Variants in TRAPPC10 observed in about 807,000 individuals in gnomAD.
The protein encoded by TRAPPC10 is TRAPP 130 kDa subunit.
Under a neutral mutation model 125.5 loss-of-function variants are expected in TRAPPC10, and 23 were observed. The observed-to-expected ratio is 0.18, with a 90% CI of 0.13 to 0.26. The LOEUF (loss-of-function observed/expected upper bound fraction) is 0.26, where lower values mean the gene tolerates loss of function less well. TRAPPC10 is among the 10% of genes least tolerant of loss of function. The pLI is 1.00. For missense variants in TRAPPC10, 1,123 were observed against 1,308.4 expected (o/e 0.86, Z 2.19); for synonymous variants, 509 against 518.0 (o/e 0.98, Z 0.24).
chr21:44,028,558 TC>T (rs1406123979), intron 1 of TRAPPC10, among the ~76,000 whole-genome samples: 1 of 152,144 alleles, frequency 6.6e-6, no homozygotes, highest in African/African-American at 2.4e-5. Context: ...CCCTCTTATC[TC>T]CCTGTCTCCC....
At position 44,012,392 on chromosome 21, in the gene TRAPPC10, C is replaced by T. The variant is rs1230084828; in HGVS notation, c.-102C>T. On this transcript the variant is annotated 5_prime_UTR_variant, in exon 1 of 23. Coordinates refer to ENST00000291574, the MANE Select transcript of TRAPPC10 (RefSeq NM_003274.5). ...CGGCTCCGGAGCTGCCTGGCGCGGC[C>T]GGGCGGGCGGCGCCGCTCAGGCTCG... 2.7e-5 allele frequency: 18 copies of T among 660,968 alleles called. No homozygotes were observed. The highest frequency in any genetic ancestry group is 3.0e-5 in the Non-Finnish European group (16 of 532,094). The allele number at this position is 660,968 out of a possible 1,614,324, so 40.9% of individuals were successfully genotyped here.
At chr21:44,016,744 C>T (rs1465721771) in intron 1 of TRAPPC10, among the ~76,000 whole-genome samples, 3 of 152,096 alleles carry the variant, frequency 2.0e-5, no homozygotes, top group Admixed American at 6.5e-5. Context: ...CTGCAAGCTC[C>T]GCCTCCCGGG....
rs2038457042 is a variant in TRAPPC10 at position 44,089,912 on chromosome 21, G to A, written c.2849G>A (p.Ser950Asn). 1 of 1,613,804 alleles carries A rather than the reference G, an allele frequency of 6.2e-7. No individual in the cohort carries two copies. The highest frequency in any genetic ancestry group is 8.5e-7 in the Non-Finnish European group (1 of 1,179,812). Residue 950 changes from serine to asparagine, a missense_variant, in exon 18 of 23, where the codon AGC becomes AAC. Transcript: ENST00000291574. ...TFSVPFRTTH[S>N]LLSSGTRKYV... ...AGCGTACCCTTCAGGACCACACACA[G>A]CCTCCTGTCCTCAGGAACACGGTAA...
intron 3 of TRAPPC10, among the ~76,000 whole-genome samples, chr21:44,042,014 C>T (rs1222117340): frequency 6.6e-6 from 1 of 152,142 alleles, no homozygotes; most frequent in East Asian, 1.9e-4. Context: ...GCCCAGCCCC[C>T]ATCATTATTT....
At chr21:44,084,854 CAG>C (rs1970407213) in intron 15 of TRAPPC10, among the ~76,000 whole-genome samples, 1 of 152,308 alleles carries the variant, frequency 6.6e-6, no homozygotes, top group African/African-American at 2.4e-5. Flanking sequence ...TCACAGAACT[CAG>C]GGAAACAGGT....
At chr21:44,032,628 C>T (rs2033680016) in intron 2 of TRAPPC10, among the ~76,000 whole-genome samples, 1 of 152,152 alleles carries the variant, frequency 6.6e-6, no homozygotes, top group African/African-American at 2.4e-5. Context: ...CTGACCCGCC[C>T]TCCTCGGCCT....
In TRAPPC10 at chr21:44,087,636, T is replaced by G. The variant is rs1274479760; in HGVS notation, c.2540-63T>G. The G allele has an allele frequency of 6.8e-7, 1 of 1,481,248 alleles. No individual in the cohort carries two copies. The highest frequency in any genetic ancestry group is 9.3e-7 in the Non-Finnish European group (1 of 1,071,880). 91.8% of individuals were successfully genotyped at this position (1,481,248 alleles called of 1,614,324 possible). A position where few individuals can be genotyped will look rare whatever the true frequency, so the allele number is the denominator to read the frequency against. ...CTCACTGCTGGGCCATCACCTGCTG[T>G]AAGGAAAAGGACAAGTGAAACCGAG... On this transcript the variant is annotated intron_variant, in intron 16 of 22. Transcript: ENST00000291574. The surrounding 1 kb of genome is among the most constrained non-coding windows in gnomAD (Gnocchi z 4.6).
At chr21:44,088,145 C>A in intron 17 of TRAPPC10, 2 of 576,116 alleles carry the variant, frequency 3.5e-6, no homozygotes, top group Non-Finnish European at 6.2e-6. Context: ...CTCTACCTTT[C>A]CCTCTCAGTT....
intron 4 of TRAPPC10, among the ~76,000 whole-genome samples, chr21:44,054,686 C>T (rs1333838029): frequency 6.6e-6 from 1 of 152,190 alleles, no homozygotes; most frequent in Non-Finnish European, 1.5e-5. Context: ...ATGGGTTCAG[C>T]CTCTTTGTAA....
chr21:44,023,731 A>T (rs1389335241), intron 1 of TRAPPC10, among the ~76,000 whole-genome samples: 1 of 152,254 alleles, frequency 6.6e-6, no homozygotes. Context: ...CCTTTTCAAT[A>T]GGCAGAGCTA....
chr21:44,075,888 A>G (rs2037241400), intron 9 of TRAPPC10, among the ~76,000 whole-genome samples: 1 of 152,210 alleles, frequency 6.6e-6, no homozygotes, highest in African/African-American at 2.4e-5. Flanking sequence ...CATCTCTACT[A>G]AAAATACAAA....
chr21:44,052,978 T>C (rs1676932974), intron 4 of TRAPPC10, among the ~76,000 whole-genome samples: 1 of 152,118 alleles, frequency 6.6e-6, no homozygotes, highest in African/African-American at 2.4e-5. Flanking sequence ...CTCTCTCTCC[T>C]GGGGTAGCTC....
chr21:44,078,311 G>A (rs748433598), intron 11 of TRAPPC10, among the ~76,000 whole-genome samples: 16 of 151,980 alleles, frequency 1.1e-4, no homozygotes, highest in African/African-American at 2.4e-5. Context: ...AAAATTTAGC[G>A]TATTTCTGGT....
chr21:44,093,357 AGGT>A (rs2038712917), intron 19 of TRAPPC10, among the ~76,000 whole-genome samples: 2 of 152,036 alleles, frequency 1.3e-5, no homozygotes, highest in South Asian at 4.1e-4. Flanking sequence ...CAGGAAGCTG[AGGT>A]GAGAAGATCT....
At position 44,087,107 on chromosome 21, in the gene TRAPPC10, T is replaced by C; in HGVS notation, c.2539+147T>C. The stretch of plus-strand genomic sequence containing the variant: ...CGTGTTCCATAGGAGCCCTGCGGCC[T>C]GATGCCTGTGCTGGGGTCCCATCTG... On this transcript the variant is annotated intron_variant, in intron 16 of 22. Coordinates refer to ENST00000291574, the MANE Select transcript of TRAPPC10 (RefSeq NM_003274.5). This position sits in a 1 kb window ranked among gnomAD's most constrained non-coding sequence, Gnocchi z 4.6. The C allele has an allele frequency of 1.1e-6, 1 of 886,358 alleles. No individual in the cohort carries two copies. The highest frequency in any genetic ancestry group is 1.7e-6 in the Non-Finnish European group (1 of 591,904). The allele number at this position is 886,358 out of a possible 1,614,324, so 54.9% of individuals were successfully genotyped here. A position where few individuals can be genotyped will look rare whatever the true frequency, so the allele number is the denominator to read the frequency against.
At chr21:44,047,126 G>T (rs1261571600) in intron 3 of TRAPPC10, 5 of 538,734 alleles carry the variant, frequency 9.3e-6, no homozygotes, top group African/African-American at 5.8e-5. Flanking sequence ...TACTCCTTCG[G>T]CGCACTGTGA....
At chr21:44,046,506 GTTT>G in intron 3 of TRAPPC10, 7 of 148,612 alleles carry the variant, frequency 4.7e-5, no homozygotes, top group Non-Finnish European at 6.7e-5. Flanking sequence ...TTACCTTTAA[GTTT>G]TTTTTTTTTT....
At chr21:44,070,390 A>T (rs771930640) in intron 7 of TRAPPC10, among the ~76,000 whole-genome samples, 7 of 152,244 alleles carry the variant, frequency 4.6e-5, no homozygotes, top group Non-Finnish European at 1.0e-4. Context: ...GAGGTATCTG[A>T]TGGCCCATTA....
At chr21:44,058,622 G>C (rs915420300) in intron 5 of TRAPPC10, among the ~76,000 whole-genome samples, 6 of 152,246 alleles carry the variant, frequency 3.9e-5, no homozygotes, top group Non-Finnish European at 8.8e-5. Context: ...CCAGAGTCAG[G>C]TCTGAGCTGG....
Sources: gnomAD v4.1 joint callset for allele counts (sites outside exome capture counted in the v4.1 genomes callset) on GRCh38, gnomAD v4.1.1 for gene constraint, Gnocchi (gnomAD v3.1) non-coding constraint, MANE v1.5 for transcripts, NCBI Gene and HGNC (gene_info 2026-07-23, HGNC 2026-07-21) for gene names.